The following ARHGAP24 variants were observed in gnomAD, a reference collection of about 807,000 sequenced individuals.
ARHGAP24 encodes rho GTPase-activating protein 24.
Under a neutral mutation model 76.4 loss-of-function variants are expected in ARHGAP24, and 50 were observed. The ratio of observed to expected loss-of-function variants is 0.65; its 90% CI spans 0.52 to 0.83. The LOEUF (loss-of-function observed/expected upper bound fraction) is 0.83, where lower values mean the gene tolerates loss of function less well. Ranked by LOEUF, ARHGAP24 falls within the 40% of genes least tolerant of loss-of-function variation. ARHGAP24 has a pLI of 0.00. For synonymous variants in ARHGAP24, 345 were observed against 323.3 expected (o/e 1.07, Z -0.72); for missense variants, 930 against 914.2 (o/e 1.02, Z -0.22).
At chr4:85,604,505 A>G (rs1177287767) in intron 2 of ARHGAP24, among the ~76,000 whole-genome samples, 1 of 152,248 alleles carries the variant, frequency 6.6e-6, no homozygotes, top group African/African-American at 2.4e-5. Flanking sequence ...CAGCCATTAA[A>G]ATGTTCTTCT....
At chr4:85,628,109 G>A (rs147431091) in intron 2 of ARHGAP24, among the ~76,000 whole-genome samples, 53 of 152,170 alleles carry the variant, frequency 3.5e-4, no homozygotes, top group Admixed American at 5.9e-4. Flanking sequence ...GGCACTCCCC[G>A]GTGAGATGAA....
At chr4:85,935,360 C>T (rs922803291) in intron 4 of ARHGAP24, among the ~76,000 whole-genome samples, 1 of 152,118 alleles carries the variant, frequency 6.6e-6, no homozygotes, top group Non-Finnish European at 1.5e-5. Context: ...AAGCACCACA[C>T]CAAATTATCT....
chr4:85,984,062 T>C (rs1309762922), intron 8 of ARHGAP24, among the ~76,000 whole-genome samples: 1 of 152,204 alleles, frequency 6.6e-6, no homozygotes, highest in Non-Finnish European at 1.5e-5. Flanking sequence ...CCTAGCCTAG[T>C]TGCAGATTTG....
At chr4:85,845,194 C>T (rs1283121044) in intron 3 of ARHGAP24, among the ~76,000 whole-genome samples, 1 of 152,084 alleles carries the variant, frequency 6.6e-6, no homozygotes, top group Non-Finnish European at 1.5e-5. Flanking sequence ...GGAAATTTAT[C>T]GTTATTACTC....
chr4:85,541,834 C>T (rs4348085), intron 1 of ARHGAP24, among the ~76,000 whole-genome samples: 18,688 of 152,102 alleles, frequency 0.12, 3,248 homozygotes, highest in African/African-American at 0.39. Flanking sequence ...GGTGGGTTGA[C>T]GTTTGAGTTG....
Position 85,785,393 on chromosome 4 carries a change from G to A in ARHGAP24, c.268+63421G>A, listed in dbSNP as rs540968687. Among the ~76,000 whole-genome samples, 9 of 152,212 alleles carry A rather than the reference G, an allele frequency of 5.9e-5. No individual in the cohort carries two copies. The South Asian group carries it at 6.2e-4, about 11-fold the overall frequency. On this transcript the variant is annotated intron_variant, in intron 3 of 9. Coordinates refer to ENST00000395184, the MANE Select transcript of ARHGAP24 (RefSeq NM_001025616.3). Reference sequence around the variant, plus strand: ...CAGATAATACCAATGGTCTTGGCCCGATTGCAAGTGGTGGTAAAACAAAGG... The same window carrying A: ...CAGATAATACCAATGGTCTTGGCCCAATTGCAAGTGGTGGTAAAACAAAGG...
At chr4:85,955,748 G>A (rs2148836470) in intron 5 of ARHGAP24, among the ~76,000 whole-genome samples, 1 of 152,334 alleles carries the variant, frequency 6.6e-6, no homozygotes, top group South Asian at 2.1e-4. Flanking sequence ...AATGGGGAAA[G>A]GATAGCAGCA....
chr4:85,863,341 A>G (rs1732009798), intron 3 of ARHGAP24, among the ~76,000 whole-genome samples: 1 of 152,096 alleles, frequency 6.6e-6, no homozygotes, highest in African/African-American at 2.4e-5. Context: ...TCTATCACAG[A>G]ACCCGATTAA....
At chr4:85,955,224 C>A (rs563743465) in intron 5 of ARHGAP24, among the ~76,000 whole-genome samples, 1 of 152,024 alleles carries the variant, frequency 6.6e-6, no homozygotes, top group East Asian at 1.9e-4. Flanking sequence ...ATGCTCCCCC[C>A]GCCTACCCCC....
chr4:85,658,350 A>G (rs7671404), intron 2 of ARHGAP24, among the ~76,000 whole-genome samples: 51,271 of 151,934 alleles, frequency 0.34, 9,670 homozygotes, highest in East Asian at 0.84. Context: ...CCTGAGACAA[A>G]CCTTTTTTCA....
In ARHGAP24 at chr4:85,960,420, A is replaced by C. The variant is rs115496975; in HGVS notation, c.600-11616A>C. Among the ~76,000 whole-genome samples the C allele has an allele frequency of 3.8e-3, 572 of 152,290 alleles. 5 individuals are homozygous for C. The highest frequency in any genetic ancestry group is 0.013 in the African/African-American group (540 of 41,566). ...CACACATTTACATACCCAAGAGGACATCACTGTGGATATTCATTGAAAACT... is the reference window on the plus strand; with the variant it reads ...CACACATTTACATACCCAAGAGGACCTCACTGTGGATATTCATTGAAAACT... On this transcript the variant is annotated intron_variant, in intron 5 of 9. Coordinates refer to ENST00000395184, the MANE Select transcript of ARHGAP24 (RefSeq NM_001025616.3).
chr4:85,830,342 A>G lies in ARHGAP24; in HGVS notation c.269-93306A>G, dbSNP rs146409695. Among the ~76,000 whole-genome samples, 3 of 152,356 alleles carry G rather than the reference A, an allele frequency of 2.0e-5. No individual in the cohort carries two copies. In the East Asian group the frequency reaches 5.8e-4, roughly 29 times the overall value. On this transcript the variant is annotated intron_variant, in intron 3 of 9. Coordinates refer to ENST00000395184, the MANE Select transcript of ARHGAP24 (RefSeq NM_001025616.3). ...CAGAAAATGGGAGAGTGAGTGGGAA[A>G]GAATGAGATTAGTGGCTACCAGGCA...
intron 2 of ARHGAP24, among the ~76,000 whole-genome samples, chr4:85,583,307 T>G (rs893617970): frequency 6.6e-6 from 1 of 152,160 alleles, no homozygotes; most frequent in Admixed American, 6.6e-5. Flanking sequence ...AAAGGGTAAA[T>G]GTTTATTATG....
At chr4:85,857,848 C>A (rs982162318) in intron 3 of ARHGAP24, among the ~76,000 whole-genome samples, 1 of 152,080 alleles carries the variant, frequency 6.6e-6, no homozygotes, top group African/African-American at 2.4e-5. Context: ...GCTTACCATG[C>A]CTCTGGGTTC....
intron 3 of ARHGAP24, among the ~76,000 whole-genome samples, chr4:85,755,993 C>T (rs1160997819): frequency 1.3e-5 from 2 of 151,962 alleles, no homozygotes; most frequent in African/African-American, 2.4e-5. Flanking sequence ...TTGTTCATGT[C>T]CCCCTCTAGC....
chr4:85,915,936 A>T (rs1735360529), intron 3 of ARHGAP24, among the ~76,000 whole-genome samples: 1 of 152,204 alleles, frequency 6.6e-6, no homozygotes, highest in Non-Finnish European at 1.5e-5. Context: ...GTATATACCC[A>T]GTAATGGGGT....
chr4:85,766,654 A>G (rs567820857), intron 3 of ARHGAP24, among the ~76,000 whole-genome samples: 124 of 152,280 alleles, frequency 8.1e-4, no homozygotes, highest in African/African-American at 2.8e-3. Context: ...ATGTAAAAAA[A>G]CAGATGAAAA....
intron 3 of ARHGAP24, among the ~76,000 whole-genome samples, chr4:85,833,459 G>A (rs1730100068): frequency 6.6e-6 from 1 of 151,170 alleles, no homozygotes; most frequent in South Asian, 2.1e-4. Context: ...CTCCCGTACT[G>A]TTTCACACTA....
At chr4:85,915,749 C>G (rs1735350980) in intron 3 of ARHGAP24, among the ~76,000 whole-genome samples, 2 of 152,186 alleles carry the variant, frequency 1.3e-5, no homozygotes. Flanking sequence ...AGGAAATGAA[C>G]TCATCCTTTT....
Sources: gnomAD v4.1 joint callset for allele counts (sites outside exome capture counted in the v4.1 genomes callset) on GRCh38, gnomAD v4.1.1 for gene constraint, MANE v1.5 for transcripts, NCBI Gene and HGNC (gene_info 2026-07-23, HGNC 2026-07-21) for gene names.